ZMAT4: variants seen among roughly 807,000 people sequenced by gnomAD.
ZMAT4 encodes the protein zinc finger matrin-type protein 4.
ZMAT4 carries 17 observed loss-of-function variants against 28.7 expected under a neutral mutation model. That is an observed-to-expected ratio of 0.59 (90% CI 0.41 to 0.89). ZMAT4 has a LOEUF of 0.89. Ranked by LOEUF, ZMAT4 falls within the 40% of genes least tolerant of loss-of-function variation. ZMAT4 has a pLI of 0.00. For synonymous variants in ZMAT4, 117 were observed against 109.2 expected (o/e 1.07, Z -0.44); for missense variants, 240 against 283.8 (o/e 0.85, Z 1.11).
chr8:40,752,291 C>A (rs1036536768), intron 3 of ZMAT4, among the ~76,000 whole-genome samples: 39 of 152,228 alleles, frequency 2.6e-4, no homozygotes, highest in Admixed American at 2.3e-3. Context: ...CTGTGTCCCT[C>A]TGCCACTGGG....
intron 3 of ZMAT4, among the ~76,000 whole-genome samples, chr8:40,759,927 T>C (rs1812857155): frequency 6.6e-6 from 1 of 152,182 alleles, no homozygotes; most frequent in African/African-American, 2.4e-5. Flanking sequence ...ATTCCCATTC[T>C]TCAGCTCATA....
intron 1 of ZMAT4, among the ~76,000 whole-genome samples, chr8:40,864,516 G>A (rs1817610913): frequency 6.6e-6 from 1 of 152,146 alleles, no homozygotes; most frequent in Non-Finnish European, 1.5e-5. Flanking sequence ...AATGCAATGT[G>A]GTAGCAGGGA....
intron 6 of ZMAT4, among the ~76,000 whole-genome samples, chr8:40,568,341 G>A (rs976867859): frequency 1.3e-5 from 2 of 152,110 alleles, no homozygotes; most frequent in Admixed American, 1.3e-4. Context: ...ATAAAACGAG[G>A]CAGAAGACCA....
chr8:40,644,414 A>G (rs1028223325), intron 5 of ZMAT4, among the ~76,000 whole-genome samples: 1 of 152,136 alleles, frequency 6.6e-6, no homozygotes, highest in Non-Finnish European at 1.5e-5. Context: ...ACACCCACAC[A>G]CACAGTGATT....
chr8:40,707,826 G>T (rs1389336730), intron 3 of ZMAT4, among the ~76,000 whole-genome samples: 1 of 152,026 alleles, frequency 6.6e-6, no homozygotes, highest in Non-Finnish European at 1.5e-5. Flanking sequence ...TGTCTTGAGG[G>T]TAGAAACTCT....
Position 40,825,660 on chromosome 8 carries a change from A to C in ZMAT4, c.17T>G (p.Ile6Ser). The change falls in exon 2 of 7, where the codon ATT (isoleucine) becomes AGT (serine). Residue 6 changes from isoleucine to serine, a missense_variant. By Grantham distance (142) the Ile-to-Ser change is moderately radical. Transcript: ENST00000297737. Reference sequence around the variant, plus strand: ...ACTGTCTGTGAATAAATCCTGATCAATATCGGAGGACTTCATCAGGCTACA... The same window carrying C: ...ACTGTCTGTGAATAAATCCTGATCACTATCGGAGGACTTCATCAGGCTACA... MKSSD[I>S]DQDLFTDSYC... is the part of the protein sequence containing the mutation. 6.4e-7 allele frequency: 1 copy of C among 1,554,364 alleles called. No homozygotes were observed. The highest frequency in any genetic ancestry group is 8.7e-7 in the Non-Finnish European group (1 of 1,147,980).
At chr8:40,815,144 G>A (rs1815479022) in intron 2 of ZMAT4, among the ~76,000 whole-genome samples, 1 of 152,152 alleles carries the variant, frequency 6.6e-6, no homozygotes, top group Non-Finnish European at 1.5e-5. Context: ...GTGTGGTGCT[G>A]CGTGCCTGTA....
At chr8:40,560,972 A>C (rs1803718996) in intron 6 of ZMAT4, among the ~76,000 whole-genome samples, 1 of 152,218 alleles carries the variant, frequency 6.6e-6, no homozygotes, top group Non-Finnish European at 1.5e-5. Flanking sequence ...ATTAGTCCCC[A>C]AAAAACCCTT....
intron 3 of ZMAT4, among the ~76,000 whole-genome samples, chr8:40,734,522 T>C (rs1321069744): frequency 6.6e-6 from 1 of 152,160 alleles, no homozygotes; most frequent in Non-Finnish European, 1.5e-5. Flanking sequence ...ATTCTGGAGA[T>C]GGAAAAGTAC....
At chr8:40,576,333 T>A (rs145418071) in intron 6 of ZMAT4, among the ~76,000 whole-genome samples, 294 of 149,156 alleles carry the variant, frequency 2.0e-3, no homozygotes, top group African/African-American at 6.7e-3. Context: ...CCCAAGTAGA[T>A]TAAACCCAAA....
chr8:40,812,174 C>A (rs747826594), intron 2 of ZMAT4, among the ~76,000 whole-genome samples: 19 of 152,034 alleles, frequency 1.2e-4, no homozygotes, highest in Non-Finnish European at 2.8e-4. Context: ...ATACACTGTG[C>A]CTGATGATAT....
chr8:40,865,827 T>C (rs563697661), intron 1 of ZMAT4, among the ~76,000 whole-genome samples: 1 of 152,056 alleles, frequency 6.6e-6, no homozygotes, highest in African/African-American at 2.4e-5. Context: ...CATTCTTTCT[T>C]CCCCCCGCCA....
intron 5 of ZMAT4, among the ~76,000 whole-genome samples, chr8:40,659,567 A>G (rs935339818): frequency 6.6e-6 from 1 of 152,190 alleles, no homozygotes; most frequent in East Asian, 1.9e-4. Flanking sequence ...GGGTAGGGTC[A>G]GTGCATCATT....
chr8:40,589,816 T>TC (rs1804813782), intron 5 of ZMAT4, among the ~76,000 whole-genome samples: 1 of 150,366 alleles, frequency 6.7e-6, no homozygotes, highest in Non-Finnish European at 1.5e-5. Flanking sequence ...TTCCTTTCTT[T>TC]TTTATTTCCT....
chr8:40,680,179 G>C (rs1809093692), intron 4 of ZMAT4, among the ~76,000 whole-genome samples: 1 of 152,130 alleles, frequency 6.6e-6, no homozygotes. Flanking sequence ...TCTGTAAGTT[G>C]CAGAGAGTGC....
chr8:40,597,224 G>A (rs953222121), intron 5 of ZMAT4, among the ~76,000 whole-genome samples: 2 of 152,176 alleles, frequency 1.3e-5, no homozygotes, highest in Admixed American at 1.3e-4. Context: ...CACTCAATAC[G>A]AAAGGTCAAG....
chr8:40,758,001 G>C (rs1812766471), intron 3 of ZMAT4, among the ~76,000 whole-genome samples: 1 of 152,156 alleles, frequency 6.6e-6, no homozygotes. Flanking sequence ...CAGACTCCAA[G>C]TTCTTCAGCT....
At chr8:40,890,043 T>A (rs150736447) in intron 1 of ZMAT4, among the ~76,000 whole-genome samples, 1 of 152,246 alleles carries the variant, frequency 6.6e-6, no homozygotes, top group Non-Finnish European at 1.5e-5. Flanking sequence ...TGGATAACGA[T>A]AACTTGTTTT....
At chr8:40,589,731 C>CCTTTTTTCTTTCTTTCTTT (rs1554523987) in intron 5 of ZMAT4, among the ~76,000 whole-genome samples, 3,311 of 139,354 alleles carry the variant, frequency 0.024, 79 homozygotes, top group Middle Eastern at 0.053. Context: ...TTCTTCCTTT[C>CCTTTTTTCTTTCTTTCTTT]CTTTCTTTCT....
Sources: allele counts gnomAD v4.1 joint callset (sites outside exome capture counted in the v4.1 genomes callset), GRCh38; gene constraint gnomAD v4.1.1; transcripts MANE v1.5; gene names NCBI Gene and HGNC (gene_info 2026-07-23, HGNC 2026-07-21).